Variants in NAA16 observed in about 807,000 individuals in gnomAD.
The protein encoded by NAA16 is NARG1-like protein.
In NAA16, 97 loss-of-function variants were observed where a neutral mutation model predicts 110.3. The observed-to-expected ratio is 0.88, with a 90% CI of 0.75 to 1.04. NAA16 has a LOEUF of 1.04. NAA16 is among the 50% of genes least tolerant of loss of function. NAA16 has a pLI of 0.00. For synonymous variants in NAA16, 372 were observed against 330.6 expected, an observed-to-expected ratio of 1.13 and a Z score of -1.36; for missense variants, 1,017 against 1,005.1, an observed-to-expected ratio of 1.01 and a Z score of -0.16.
intron 3 of NAA16, 90 bp downstream of exon 3, chr13:41,319,000 C>T (rs372541320): frequency 9.5e-5 from 57 of 598,684 alleles, no homozygotes; most frequent in East Asian, 7.8e-4. Flanking sequence ...TCCAAACCTA[C>T]GTAGAAGAGA....
intron 15 of NAA16, among the ~76,000 whole-genome samples, chr13:41,370,560 TACA>T: frequency 6.6e-6 from 1 of 152,236 alleles, no homozygotes; most frequent in East Asian, 1.9e-4. Flanking sequence ...CTTTCGGTTT[TACA>T]ACAAGAAGGC....
chr13:41,311,653 G>T, intron 1 of NAA16, 71 bp downstream of exon 1: 1 of 1,436,854 alleles, frequency 7.0e-7, no homozygotes. Flanking sequence ...AAGCGGTCTG[G>T]CGGCGGCCGG....
At chr13:41,361,834 A>G (rs2043118131) in intron 12 of NAA16, among the ~76,000 whole-genome samples, 197 bp from the exon 13 acceptor site, 1 of 152,220 alleles carries the variant, frequency 6.6e-6, no homozygotes, top group Non-Finnish European at 1.5e-5. Flanking sequence ...GACTGTGGGT[A>G]ACTGAAACCA....
chr13:41,352,743 A>T (rs936934297), intron 9 of NAA16, among the ~76,000 whole-genome samples: 3 of 152,166 alleles, frequency 2.0e-5, no homozygotes, highest in African/African-American at 7.2e-5. Context: ...TTGTTTTTTT[A>T]AATGTAGGAG....
intron 5 of NAA16, among the ~76,000 whole-genome samples, chr13:41,324,479 A>G (rs1462999189): frequency 7.2e-6 from 1 of 139,834 alleles, no homozygotes; most frequent in Non-Finnish European, 1.5e-5. Flanking sequence ...AGGTTCAAGC[A>G]ATTACCCTGC....
chr13:41,373,136 T>G, intron 17 of NAA16: 1 of 942,924 alleles, frequency 1.1e-6, no homozygotes, highest in Non-Finnish European at 1.3e-6. Flanking sequence ...ATAAACCTGT[T>G]AGCCAAGAGA....
At chr13:41,373,321 G>C (rs191596270) in intron 17 of NAA16, 1 of 496,742 alleles carries the variant, frequency 2.0e-6, no homozygotes, top group Admixed American at 6.4e-5. Flanking sequence ...GCAGTAGCAC[G>C]ATCTTGGCTC....
intron 15 of NAA16, 119 bp from the exon 16 acceptor site, chr13:41,372,084 T>C (rs945874042): frequency 3.6e-6 from 3 of 824,784 alleles, no homozygotes; most frequent in Non-Finnish European, 5.0e-6. Flanking sequence ...TTTCTTGTTA[T>C]TTGGTTTTAT....
chr13:41,321,612 G>T (rs1453507328), intron 4 of NAA16, among the ~76,000 whole-genome samples: 3 of 152,120 alleles, frequency 2.0e-5, no homozygotes, highest in Non-Finnish European at 4.4e-5. Flanking sequence ...AAAAATTATT[G>T]GTTAGTAAAT....
intron 9 of NAA16, among the ~76,000 whole-genome samples, chr13:41,340,653 T>G (rs1428593173): frequency 9.5e-4 from 2 of 2,098 alleles, no homozygotes; most frequent in Non-Finnish European, 2.2e-3. Flanking sequence ...GTGAGTTTTT[T>G]TTTTTTTTTT....
intron 9 of NAA16, among the ~76,000 whole-genome samples, chr13:41,346,404 G>A (rs1356323645): frequency 6.6e-6 from 1 of 152,162 alleles, no homozygotes; most frequent in African/African-American, 2.4e-5. Flanking sequence ...GCCACAATAG[G>A]AGACACTGGA....
At chr13:41,369,025 T>A in intron 14 of NAA16, 65 bp from the exon 15 acceptor site, 1 of 1,392,126 alleles carries the variant, frequency 7.2e-7, no homozygotes, top group South Asian at 1.5e-5. Flanking sequence ...ACAGTATGTA[T>A]TACAGAAGAA....
chr13:41,362,009 GT>G (rs2043121212), intron 12 of NAA16, 21 bp from the exon 13 acceptor site: 1 of 1,609,630 alleles, frequency 6.2e-7, no homozygotes, highest in Admixed American at 1.7e-5. Flanking sequence ...GCTCTCTATA[GT>G]TTTGAATGCT....
At chr13:41,350,851 C>T (rs1300400922) in intron 9 of NAA16, among the ~76,000 whole-genome samples, 1 of 152,066 alleles carries the variant, frequency 6.6e-6, no homozygotes, top group Non-Finnish European at 1.5e-5. Context: ...TCTTGGGCTC[C>T]TGGGCTTAAG....
At chr13:41,332,235 A>G (rs1245268954) in intron 8 of NAA16, among the ~76,000 whole-genome samples, 1 of 152,044 alleles carries the variant, frequency 6.6e-6, no homozygotes, top group African/African-American at 2.4e-5. Context: ...TGCACCCACT[A>G]TGGTGTTTTA....
At chr13:41,322,568 G>A (rs532007131) in intron 4 of NAA16, among the ~76,000 whole-genome samples, 1 of 152,280 alleles carries the variant, frequency 6.6e-6, no homozygotes, top group East Asian at 1.9e-4. Context: ...CTTTAATAAA[G>A]GATTTGGGAA....
chr13:41,350,075 G>C (rs1026687100), intron 9 of NAA16, among the ~76,000 whole-genome samples: 1 of 151,716 alleles, frequency 6.6e-6, no homozygotes, highest in African/African-American at 2.4e-5. Context: ...CTTGAGCTCA[G>C]CCTGGGCAAT....
At chr13:41,353,420 G>A (rs957814603) in intron 9 of NAA16, among the ~76,000 whole-genome samples, 3 of 151,518 alleles carry the variant, frequency 2.0e-5, no homozygotes, top group East Asian at 3.9e-4. Context: ...TTTTATCAGT[G>A]GTTCTCAAAC....
chr13:41,355,221 G>A lies in NAA16; in HGVS notation c.1087+5G>A, dbSNP rs2042950948. The A allele has an allele frequency of 1.3e-6, 2 of 1,513,616 alleles. No homozygotes were observed. Among genetic ancestry groups the A allele is most frequent in the Middle Eastern group, 1.7e-4 (1 of 5,806 alleles). The allele number at this position is 1,513,616 out of a possible 1,614,324, so 93.8% of individuals were successfully genotyped here. ...GTGACTTTTTTAGCCCATATGGTAA[G>A]TTTAAATTAGATTGAATTGGAATTT... is the stretch of plus-strand genomic sequence containing the variant. On this transcript the variant is annotated splice_donor_5th_base_variant and intron_variant, in intron 10 of 19. Coordinates refer to ENST00000379406, the MANE Select transcript of NAA16 (RefSeq NM_024561.5).
Sources: allele counts gnomAD v4.1 joint callset (sites outside exome capture counted in the v4.1 genomes callset), GRCh38; gene constraint gnomAD v4.1.1; transcripts MANE v1.5; gene names NCBI Gene and HGNC (gene_info 2026-07-23, HGNC 2026-07-21).